Variants in HHAT observed in about 807,000 individuals in gnomAD.
HHAT encodes the protein hedgehog acyltransferase.
A neutral mutation model predicts 70.8 loss-of-function variants in HHAT; 47 were observed. The ratio of observed to expected loss-of-function variants is 0.66; its 90% CI spans 0.53 to 0.85. The LOEUF is 0.85. Among genes scored for constraint, HHAT ranks in the 40% least tolerant of loss-of-function variants. The pLI is 0.00. For synonymous variants in HHAT, 228 were observed against 247.6 expected, an observed-to-expected ratio of 0.92 and a Z score of 0.74; for missense variants, 609 against 604.8, an observed-to-expected ratio of 1.01 and a Z score of -0.07.
At chr1:210,398,877 A>G (rs1266851755) in intron 4 of HHAT, among the ~76,000 whole-genome samples, 1 of 152,224 alleles carries the variant, frequency 6.6e-6, no homozygotes, top group Non-Finnish European at 1.5e-5. Context: ...AGGATGGAAA[A>G]ATAGTAAAAA....
intron 11 of HHAT, chr1:210,631,191 C>A: frequency 4.5e-6 from 2 of 442,896 alleles, no homozygotes; most frequent in Non-Finnish European, 4.5e-6. Context: ...GATTATAAGC[C>A]CTTTGACTCC....
At chr1:210,424,173 G>A (rs1243643667) in intron 7 of HHAT, among the ~76,000 whole-genome samples, 1 of 152,092 alleles carries the variant, frequency 6.6e-6, no homozygotes, top group African/African-American at 2.4e-5. Flanking sequence ...ATGAGCATGG[G>A]TTGTTTTTCC....
chr1:210,418,445 A>C, intron 7 of HHAT, 120 bp downstream of exon 7: 1 of 863,580 alleles, frequency 1.2e-6, no homozygotes, highest in Non-Finnish European at 1.7e-6. Flanking sequence ...CCTCTTTATT[A>C]TTATTTTTTA....
At chr1:210,556,231 GGAGA>G (rs113938959) in intron 9 of HHAT, among the ~76,000 whole-genome samples, 10,106 of 151,966 alleles carry the variant, frequency 0.067, 371 homozygotes, top group Middle Eastern at 0.082. Flanking sequence ...CCTGACCTCT[GGAGA>G]GAGTTTTCCC....
intron 11 of HHAT, among the ~76,000 whole-genome samples, chr1:210,635,641 T>C (rs569598711): frequency 2.0e-5 from 3 of 152,360 alleles, no homozygotes; most frequent in African/African-American, 4.8e-5. Flanking sequence ...TAAGTCTTCA[T>C]AATTTGTACA....
intron 9 of HHAT, among the ~76,000 whole-genome samples, chr1:210,581,903 T>C (rs961562160): frequency 1.3e-5 from 2 of 152,198 alleles, no homozygotes; most frequent in African/African-American, 4.8e-5. Context: ...TACTGTTGAC[T>C]AGTAGCTGTG....
intron 11 of HHAT, among the ~76,000 whole-genome samples, chr1:210,673,959 T>TTC (rs1217287126): frequency 2.6e-5 from 3 of 114,650 alleles, no homozygotes; most frequent in Admixed American, 9.1e-5. Context: ...CCCTATTTCT[T>TTC]TTTTTTTTTT....
At chr1:210,382,285 T>C (rs2090699149) in intron 3 of HHAT, among the ~76,000 whole-genome samples, 1 of 152,244 alleles carries the variant, frequency 6.6e-6, no homozygotes, top group Admixed American at 6.5e-5. Context: ...AGTATTTCTT[T>C]CCTTTAGCCT....
At chr1:210,462,176 AT>A (rs1343484514) in intron 7 of HHAT, among the ~76,000 whole-genome samples, 1 of 152,218 alleles carries the variant, frequency 6.6e-6, no homozygotes, top group Non-Finnish European at 1.5e-5. Flanking sequence ...ATTTTTCCTG[AT>A]TTGGCATCCT....
At chr1:210,347,532 GT>G (rs1188822735) in intron 1 of HHAT, among the ~76,000 whole-genome samples, 1 of 152,144 alleles carries the variant, frequency 6.6e-6, no homozygotes, top group African/African-American at 2.4e-5. Flanking sequence ...CCATAAATGC[GT>G]TTAAATTTAG....
chr1:210,652,248 A>T (rs1675313357), intron 11 of HHAT, among the ~76,000 whole-genome samples: 1 of 152,202 alleles, frequency 6.6e-6, no homozygotes, highest in South Asian at 2.1e-4. Flanking sequence ...GGAGGAATCA[A>T]AACAAATTCT....
chr1:210,442,419 T>C (rs1282302899), intron 7 of HHAT, among the ~76,000 whole-genome samples: 2 of 146,456 alleles, frequency 1.4e-5, no homozygotes, highest in Non-Finnish European at 3.0e-5. Flanking sequence ...CCCTGAGGAA[T>C]CGCCACACTG....
intron 10 of HHAT, among the ~76,000 whole-genome samples, chr1:210,617,573 T>C (rs1667997441): frequency 6.6e-6 from 1 of 152,212 alleles, no homozygotes. Context: ...CAAACATGGC[T>C]TAAGTTCTCT....
chr1:210,459,205 A>G (rs2093929813), intron 7 of HHAT, among the ~76,000 whole-genome samples: 1 of 152,144 alleles, frequency 6.6e-6, no homozygotes, highest in Non-Finnish European at 1.5e-5. Context: ...CTGGGAATAC[A>G]AGGTCCCAAA....
At chr1:210,347,656 A>G (rs1427245130) in intron 1 of HHAT, among the ~76,000 whole-genome samples, 1 of 152,170 alleles carries the variant, frequency 6.6e-6, no homozygotes, top group Non-Finnish European at 1.5e-5. Flanking sequence ...GCCATGATGG[A>G]GAGATCTAGA....
intron 6 of HHAT, among the ~76,000 whole-genome samples, chr1:210,407,994 C>T (rs2092398908): frequency 6.6e-6 from 1 of 152,078 alleles, no homozygotes; most frequent in Non-Finnish European, 1.5e-5. Context: ...AGCCCACCCT[C>T]CAGGGTTTGA....
At position 210,655,797 on chromosome 1, in the gene HHAT, C is replaced by T. The variant is rs189306377; in HGVS notation, c.1391-18491C>T. 2.9e-3 allele frequency among the ~76,000 whole-genome samples: 442 copies of T among 152,324 alleles called. 10 individuals are homozygous for T. The highest frequency in any genetic ancestry group is 2.0e-3 in the Non-Finnish European group (135 of 68,012). On this transcript the variant is annotated intron_variant, in intron 11 of 11. Transcript: ENST00000261458. ...AGAACACTGCCTTCTGCTCCAGTTA[C>T]AGACAAATGCCCCTCCTCTCCCTGC...
In HHAT at chr1:210,674,402, C is replaced by T. The variant is rs1336455692; in HGVS notation, c.*23C>T. On this transcript the variant is annotated 3_prime_UTR_variant, in exon 12 of 12. Coordinates refer to ENST00000261458, the MANE Select transcript of HHAT (RefSeq NM_018194.6). ...TAATGCTGTTGGGCCCAGGCCAGTC[C>T]TTGTTGCTGGCCTCCAAGGCAAATA... The T allele has an allele frequency of 6.3e-7, 1 of 1,591,838 alleles. No homozygotes were observed. Among genetic ancestry groups the T allele is most frequent in the Non-Finnish European group, 8.6e-7 (1 of 1,160,072 alleles).
chr1:210,434,971 T>G (rs1220225142), intron 7 of HHAT, among the ~76,000 whole-genome samples: 1 of 151,896 alleles, frequency 6.6e-6, no homozygotes, highest in Non-Finnish European at 1.5e-5. Flanking sequence ...TTTACCTTTT[T>G]AAATACTAGG....
Sources: gnomAD v4.1 joint callset for allele counts (sites outside exome capture counted in the v4.1 genomes callset) on GRCh38, gnomAD v4.1.1 for gene constraint, MANE v1.5 for transcripts, NCBI Gene and HGNC (gene_info 2026-07-23, HGNC 2026-07-21) for gene names.